The following CCDC200 variants were observed in gnomAD, a reference collection of about 807,000 sequenced individuals.
CCDC200 encodes the protein coiled-coil domain containing 200.
chr17:43,222,087 C>CA (rs1415737054), intron 3 of CCDC200, among the ~76,000 whole-genome samples: 27 of 148,252 alleles, frequency 1.8e-4, no homozygotes, highest in East Asian at 1.2e-3. Flanking sequence ...GACTGTGTCT[C>CA]AAAAAAAAAG....
rs374294700 is a variant in CCDC200, at chr17:43,224,402, G to T, written c.253C>A (p.Pro85Thr). 1.9e-5 allele frequency: 3 copies of T among 155,242 alleles called. No individual in the cohort carries two copies. The highest frequency in any genetic ancestry group is 1.7e-4 in the South Asian group (1 of 5,716). 9.6% of individuals were successfully genotyped at this position (155,242 alleles called of 1,614,324 possible). The change falls in exon 2 of 4, where the codon CCA (proline) becomes ACA (threonine). Residue 85 changes from proline to threonine, a missense_variant. By Grantham distance (38) the Pro-to-Thr change is conservative. Transcript: ENST00000636331. The stretch of plus-strand genomic sequence containing the variant: ...GGCTGTGGTGGTGGCTGTGATGGTG[G>T]CTGCACTGATGGCTGCTGCTGTGAT... Reference protein sequence around the residue: ...QPSQQQPSVQPPSQPPPQPST... With the variant: ...QPSQQQPSVQTPSQPPPQPST...
chr17:43,225,646 G>C (rs2154582762), intron 1 of CCDC200, among the ~76,000 whole-genome samples: 1 of 49,202 alleles, frequency 2.0e-5, no homozygotes, highest in Non-Finnish European at 4.7e-5. Flanking sequence ...CTGGGCGACA[G>C]AATGAGACTC....
At chr17:43,226,515 C>G (rs935850132) in intron 1 of CCDC200, among the ~76,000 whole-genome samples, 1 of 152,132 alleles carries the variant, frequency 6.6e-6, no homozygotes, top group Admixed American at 6.6e-5. Context: ...CCCACTGCAG[C>G]CTCCCGAGTA....
chr17:43,230,997 A>AG (rs1555617213), upstream of CCDC200, among the ~76,000 whole-genome samples: 11 of 76,236 alleles, frequency 1.4e-4, 2 homozygotes, highest in African/African-American at 3.4e-4. Flanking sequence ...AAAAAAAAAA[A>AG]GCTTGGGCCA....
chr17:43,225,679 A>ATATATATATATATATATAT (rs1168399628), intron 1 of CCDC200, among the ~76,000 whole-genome samples: 1 of 15,938 alleles, frequency 6.3e-5, no homozygotes, highest in Admixed American at 2.5e-3. Context: ...AAAAAAAAAA[A>ATATATATATATATATATAT]GTATATATAT....
chr17:43,222,339 G>A (rs2057538728), intron 3 of CCDC200, among the ~76,000 whole-genome samples: 1 of 151,904 alleles, frequency 6.6e-6, no homozygotes, highest in African/African-American at 2.4e-5. Context: ...CTAATTTTTT[G>A]TATTTTTAGT....
chr17:43,222,772 C>T (rs1444818369), intron 3 of CCDC200, among the ~76,000 whole-genome samples: 138 of 113,726 alleles, frequency 1.2e-3, no homozygotes, highest in Non-Finnish European at 1.7e-3. Context: ...TTTTTTTTTT[C>T]GTTTTTTTTT....
At chr17:43,225,393 G>A (rs1350099263) in intron 1 of CCDC200, among the ~76,000 whole-genome samples, 1 of 151,250 alleles carries the variant, frequency 6.6e-6, no homozygotes, top group Admixed American at 6.6e-5. Flanking sequence ...GGCCGGACGC[G>A]GTGGCTCACG....
At chr17:43,226,382 A>T (rs2057570004) in intron 1 of CCDC200, 1 of 152,178 alleles carries the variant, frequency 6.6e-6, no homozygotes, top group Admixed American at 6.6e-5. Context: ...ACTAATTTTA[A>T]TTACTTGTAT....
chr17:43,227,692 G>A (rs1316705472), intron 1 of CCDC200, among the ~76,000 whole-genome samples: 1 of 151,272 alleles, frequency 6.6e-6, no homozygotes, highest in Non-Finnish European at 1.5e-5. Context: ...CGCCATGTTG[G>A]CCAGGCTGGT....
chr17:43,222,530 C>A (rs140855704), intron 3 of CCDC200, among the ~76,000 whole-genome samples: 1,981 of 151,928 alleles, frequency 0.013, 26 homozygotes, highest in Non-Finnish European at 0.018. Context: ...GAAGTTGTAT[C>A]ATCTATCATT....
intron 3 of CCDC200, among the ~76,000 whole-genome samples, chr17:43,222,760 GTT>G (rs372125809): frequency 4.9e-5 from 6 of 122,384 alleles, no homozygotes; most frequent in South Asian, 5.0e-4. Flanking sequence ...AGCTAGTTTT[GTT>G]TTTTTTTTTC....
intron 1 of CCDC200, among the ~76,000 whole-genome samples, chr17:43,227,018 A>G (rs1414002600): frequency 6.6e-6 from 1 of 151,886 alleles, no homozygotes; most frequent in Non-Finnish European, 1.5e-5. Context: ...TGCTCTTGTC[A>G]CCCAGGCTGG....
At chr17:43,225,263 G>C (rs926447008) in intron 1 of CCDC200, among the ~76,000 whole-genome samples, 2 of 152,020 alleles carry the variant, frequency 1.3e-5, no homozygotes, top group African/African-American at 4.8e-5. Context: ...GGAACTCCTA[G>C]CCTCAAGCGA....
intron 3 of CCDC200, among the ~76,000 whole-genome samples, chr17:43,223,336 C>T (rs779478443): frequency 6.8e-6 from 1 of 146,250 alleles, no homozygotes; most frequent in Non-Finnish European, 1.5e-5. Flanking sequence ...AAGACTACTG[C>T]ACCCAGCTTC....
At chr17:43,227,177 C>A (rs1054852918) in intron 1 of CCDC200, among the ~76,000 whole-genome samples, 2 of 151,874 alleles carry the variant, frequency 1.3e-5, no homozygotes, top group African/African-American at 4.8e-5. Flanking sequence ...TGGGGTTTCA[C>A]CATGTTGGTC....
intron 3 of CCDC200, among the ~76,000 whole-genome samples, chr17:43,222,572 T>C (rs1257169333): frequency 6.7e-6 from 1 of 149,780 alleles, no homozygotes; most frequent in Admixed American, 6.7e-5. Context: ...AGGCCATCCA[T>C]ACCCAGGCAT....
chr17:43,230,712 G>C (rs1384476640), upstream of CCDC200, among the ~76,000 whole-genome samples: 1 of 56,192 alleles, frequency 1.8e-5, no homozygotes, highest in African/African-American at 4.1e-5. Flanking sequence ...TGGGCGCGGT[G>C]GCTCATGCCT....
At chr17:43,223,849 T>A (rs2057550201) in intron 2 of CCDC200, 1 of 152,242 alleles carries the variant, frequency 6.6e-6, no homozygotes, top group Non-Finnish European at 1.5e-5. Context: ...TTAATAAGCC[T>A]ACAACTCATG....
Sources: gnomAD v4.1 joint callset for allele counts (sites outside exome capture counted in the v4.1 genomes callset) on GRCh38, gnomAD v4.1.1 for gene constraint, MANE v1.5 for transcripts, NCBI Gene and HGNC (gene_info 2026-07-23, HGNC 2026-07-21) for gene names.